MAP2K6: variants seen among roughly 807,000 people sequenced by gnomAD.
The protein encoded by MAP2K6 is mitogen-activated protein kinase kinase 6, also known as dual specificity mitogen-activated protein kinase kinase 6.
MAP2K6 carries 16 observed loss-of-function variants against 53.7 expected under a neutral mutation model. The observed-to-expected ratio is 0.30, with a 90% CI of 0.20 to 0.45. The LOEUF (loss-of-function observed/expected upper bound fraction) is 0.45, where lower values mean the gene tolerates loss of function less well. Ranked by LOEUF, MAP2K6 falls within the 20% of genes least tolerant of loss-of-function variation. The pLI is 1.00. For missense variants in MAP2K6, 204 were observed against 411.9 expected, an observed-to-expected ratio of 0.50 and a Z score of 4.37; for synonymous variants, 132 against 143.1, an observed-to-expected ratio of 0.92 and a Z score of 0.55.
At chr17:69,425,880 G>A (rs931694668) in intron 1 of MAP2K6, among the ~76,000 whole-genome samples, 22 of 152,090 alleles carry the variant, frequency 1.4e-4, no homozygotes, top group African/African-American at 5.1e-4. Flanking sequence ...AGTAAATGTA[G>A]AGATAACCTT....
rs557420662 is a variant in MAP2K6 at position 69,547,365 on chromosome 17, C to T, written c.*5612C>T. The stretch of plus-strand genomic sequence containing the variant: ...TGTTATACCATCTCTGTCACAGTTA[C>T]TCAGCTCTGCTGTTGTATCATGAAA... On this transcript the variant is annotated 3_prime_UTR_variant, in exon 12 of 12. Coordinates refer to ENST00000590474, the MANE Select transcript of MAP2K6 (RefSeq NM_002758.4). 5.0e-4 allele frequency: 76 copies of T among 152,358 alleles called. No individual in the cohort carries two copies. Among genetic ancestry groups the T allele is most frequent in the African/African-American group, 1.7e-3 (71 of 41,592 alleles). 9.4% of individuals were successfully genotyped at this position (152,358 alleles called of 1,614,324 possible).
intron 1 of MAP2K6, among the ~76,000 whole-genome samples, chr17:69,464,746 C>T (rs891242373): frequency 2.0e-5 from 3 of 152,038 alleles, no homozygotes; most frequent in South Asian, 2.1e-4. Flanking sequence ...GACAGAGTCT[C>T]GCTCTGTTGC....
intron 1 of MAP2K6, among the ~76,000 whole-genome samples, chr17:69,459,709 CAAAAA>C (rs71144694): frequency 3.6e-5 from 2 of 55,918 alleles, no homozygotes; most frequent in Admixed American, 3.2e-4. Flanking sequence ...GACTCTGTCT[CAAAAA>C]AAAAAAAAAA....
chr17:69,439,865 C>T (rs954327776), intron 1 of MAP2K6, among the ~76,000 whole-genome samples: 2 of 152,224 alleles, frequency 1.3e-5, no homozygotes, highest in Non-Finnish European at 2.9e-5. Flanking sequence ...TGAGCCATTA[C>T]ATTCACACAC....
intron 1 of MAP2K6, chr17:69,502,817 C>T (rs2145217254): frequency 1.8e-6 from 1 of 544,148 alleles, no homozygotes; most frequent in African/African-American, 2.1e-5. Flanking sequence ...CCTTTGGTCT[C>T]TGTGCTAAAA....
intron 1 of MAP2K6, among the ~76,000 whole-genome samples, chr17:69,436,271 C>A (rs556061419): frequency 1.3e-5 from 2 of 152,074 alleles, no homozygotes; most frequent in Admixed American, 1.3e-4. Context: ...TACTTCCTTT[C>A]GCTCACTGCT....
chr17:69,474,383 A>G (rs577896326), intron 1 of MAP2K6, among the ~76,000 whole-genome samples: 43 of 152,284 alleles, frequency 2.8e-4, no homozygotes, highest in African/African-American at 8.7e-4. Context: ...TTTACTCTCA[A>G]AAGTCTTTCA....
intron 1 of MAP2K6, among the ~76,000 whole-genome samples, chr17:69,467,515 G>A (rs1262791996): frequency 6.6e-6 from 1 of 152,156 alleles, no homozygotes; most frequent in African/African-American, 2.4e-5. Flanking sequence ...CTTTCATTGT[G>A]TATTGATTGG....
chr17:69,469,730 C>A (rs1316997403), intron 1 of MAP2K6, among the ~76,000 whole-genome samples: 1 of 151,764 alleles, frequency 6.6e-6, no homozygotes, highest in African/African-American at 2.4e-5. Context: ...TCCACTGCAC[C>A]CCAGCCTGGG....
intron 1 of MAP2K6, among the ~76,000 whole-genome samples, chr17:69,463,544 A>C (rs1598274372): frequency 6.7e-6 from 1 of 149,686 alleles, no homozygotes; most frequent in African/African-American, 2.5e-5. Flanking sequence ...GGCTCGCTGC[A>C]ACCTCCACCT....
intron 1 of MAP2K6, among the ~76,000 whole-genome samples, chr17:69,430,611 A>G (rs1567815367): frequency 6.6e-6 from 1 of 152,166 alleles, no homozygotes; most frequent in African/African-American, 2.4e-5. Context: ...AACAGAAACT[A>G]GTTTGGGGCT....
chr17:69,471,537 A>G (rs1907981722), intron 1 of MAP2K6, among the ~76,000 whole-genome samples: 1 of 152,234 alleles, frequency 6.6e-6, no homozygotes, highest in Admixed American at 6.5e-5. Context: ...GAAAGTGGGT[A>G]AGGATTAAAA....
rs571510735 is a variant in MAP2K6, at chr17:69,483,395, C to T, written c.17-22385C>T. On this transcript the variant is annotated intron_variant, in intron 1 of 11. Coordinates refer to ENST00000590474, the MANE Select transcript of MAP2K6 (RefSeq NM_002758.4). ...ATAAAATACCTTGGAATAAATTTAA[C>T]GAAAGAAATGCAAATCTTATACTCT... is the stretch of plus-strand genomic sequence containing the variant. Among the ~76,000 whole-genome samples, 110 of 151,964 alleles carry T rather than the reference C, an allele frequency of 7.2e-4. 1 individual carries two copies. In the South Asian group the frequency reaches 8.9e-3, roughly 12 times the overall value.
At chr17:69,502,357 A>C in intron 1 of MAP2K6, 2 of 985,402 alleles carry the variant, frequency 2.0e-6, no homozygotes, top group Non-Finnish European at 2.4e-6. Flanking sequence ...GCAGCCTCGA[A>C]AACCTCACCA....
chr17:69,415,043 T>C, intron 1 of MAP2K6, 43 bp downstream of exon 1: 1 of 1,519,006 alleles, frequency 6.6e-7, no homozygotes, highest in Non-Finnish European at 9.1e-7. Context: ...CAAAGGGTTG[T>C]GCATGCATTT....
intron 1 of MAP2K6, among the ~76,000 whole-genome samples, chr17:69,464,107 G>A (rs1907718671): frequency 6.6e-6 from 1 of 151,766 alleles, no homozygotes; most frequent in Non-Finnish European, 1.5e-5. Context: ...ATTTTTTTGA[G>A]ACGGAGTCTC....
intron 1 of MAP2K6, among the ~76,000 whole-genome samples, chr17:69,455,683 A>G (rs1907382001): frequency 6.6e-6 from 1 of 152,100 alleles, no homozygotes; most frequent in Non-Finnish European, 1.5e-5. Context: ...GTTGTGGGCC[A>G]CATATGGTCT....
At chr17:69,508,041 GTTT>G (rs71144698) in intron 2 of MAP2K6, among the ~76,000 whole-genome samples, 105 of 44,868 alleles carry the variant, frequency 2.3e-3, no homozygotes, top group African/African-American at 8.8e-3. Flanking sequence ...TATATATGTA[GTTT>G]TTTTTTTTTT....
intron 10 of MAP2K6, among the ~76,000 whole-genome samples, chr17:69,534,784 A>C (rs2716194): frequency 0.035 from 5,287 of 152,044 alleles, 135 homozygotes; most frequent in Middle Eastern, 0.061. Flanking sequence ...CTCCAACTCC[A>C]GGCAAAATTC....
Sources: gnomAD v4.1 joint callset for allele counts (sites outside exome capture counted in the v4.1 genomes callset) on GRCh38, gnomAD v4.1.1 for gene constraint, MANE v1.5 for transcripts, NCBI Gene and HGNC (gene_info 2026-07-23, HGNC 2026-07-21) for gene names.